Variants in PLPPR1 observed in about 807,000 individuals in gnomAD.
The protein encoded by PLPPR1 is phospholipid phosphatase-related protein type 1.
A neutral mutation model predicts 33.1 loss-of-function variants in PLPPR1; 10 were observed. That is an observed-to-expected ratio of 0.30 (90% CI 0.19 to 0.51). The LOEUF is 0.51. PLPPR1 is among the 20% of genes least tolerant of loss of function. The probability of loss-of-function intolerance (pLI) is 0.97; values close to 1 mark genes in which losing one functional copy is unlikely to be tolerated. For synonymous variants in PLPPR1, 151 were observed against 151.0 expected, an observed-to-expected ratio of 1.00 and a Z score of 0.00; for missense variants, 304 against 408.1, an observed-to-expected ratio of 0.74 and a Z score of 2.20.
intron 2 of PLPPR1, among the ~76,000 whole-genome samples, chr9:101,230,775 C>G (rs1827166026): frequency 1.3e-5 from 2 of 151,096 alleles, no homozygotes; most frequent in Admixed American, 1.3e-4. Context: ...AACACAAAGG[C>G]TAGTTTCAAA....
chr9:101,318,677 G>C (rs1447699308), intron 7 of PLPPR1, among the ~76,000 whole-genome samples: 1 of 152,168 alleles, frequency 6.6e-6, no homozygotes, highest in Non-Finnish European at 1.5e-5. Flanking sequence ...CAGAGGCTGA[G>C]GTGGGAGGAG....
chr9:101,100,697 C>CGTGTGTGTGTGTGT (rs56760066), intron 1 of PLPPR1, among the ~76,000 whole-genome samples: 39 of 146,940 alleles, frequency 2.7e-4, no homozygotes, highest in Admixed American at 2.0e-3. Context: ...CTCTTTGTTC[C>CGTGTGTGTGTGTGT]GTGTGTGTGT....
intron 1 of PLPPR1, among the ~76,000 whole-genome samples, chr9:101,072,392 C>G (rs1830492015): frequency 6.6e-6 from 1 of 152,092 alleles, no homozygotes; most frequent in Non-Finnish European, 1.5e-5. Flanking sequence ...CCAGAAAGAG[C>G]ATATAACACT....
intron 2 of PLPPR1, among the ~76,000 whole-genome samples, chr9:101,264,984 A>G (rs1422084192): frequency 1.3e-5 from 2 of 152,110 alleles, no homozygotes; most frequent in Non-Finnish European, 2.9e-5. Context: ...TCACACCATC[A>G]TTATCTGATT....
chr9:101,237,836 TG>T (rs1827341718), intron 2 of PLPPR1, among the ~76,000 whole-genome samples: 2 of 129,878 alleles, frequency 1.5e-5, no homozygotes, highest in African/African-American at 5.9e-5. Flanking sequence ...TATATATATA[TG>T]CTATATATGT....
rs554836088 is a variant in PLPPR1, at chr9:101,266,409, A to G, written c.64-3471A>G. Among the ~76,000 whole-genome samples, 8 of 140,170 alleles carry G rather than the reference A, an allele frequency of 5.7e-5. No homozygotes were observed. In the East Asian group the frequency reaches 1.6e-3, roughly 28 times the overall value. 92.0% of individuals were successfully genotyped at this position (140,170 alleles called of 152,430 possible). Reference sequence around the variant, plus strand: ...AGACCCTGTCTCCAAAAAAAAAAAGAAAGAAAGAAAGAAAGAAATAAAGAA... The same window carrying G: ...AGACCCTGTCTCCAAAAAAAAAAAGGAAGAAAGAAAGAAAGAAATAAAGAA... On this transcript the variant is annotated intron_variant, in intron 2 of 7. Transcript: ENST00000374874.
chr9:101,272,835 C>T (rs1304089736), intron 3 of PLPPR1, among the ~76,000 whole-genome samples: 1 of 152,000 alleles, frequency 6.6e-6, no homozygotes, highest in Non-Finnish European at 1.5e-5. Context: ...AAGCATAAAC[C>T]AATATTTTCT....
intron 1 of PLPPR1, among the ~76,000 whole-genome samples, chr9:101,130,440 A>C (rs936968833): frequency 5.3e-5 from 8 of 152,222 alleles, no homozygotes; most frequent in African/African-American, 1.7e-4. Context: ...GGAGCTAATT[A>C]TATGCCAACC....
At chr9:101,088,770 T>C (rs1830707825) in intron 1 of PLPPR1, among the ~76,000 whole-genome samples, 1 of 152,208 alleles carries the variant, frequency 6.6e-6, no homozygotes, top group Non-Finnish European at 1.5e-5. Flanking sequence ...TGGTTGGCAA[T>C]GATATTTCAG....
intron 1 of PLPPR1, among the ~76,000 whole-genome samples, chr9:101,118,234 A>T (rs1831138704): frequency 1.3e-5 from 2 of 152,184 alleles, no homozygotes; most frequent in Admixed American, 1.3e-4. Context: ...CACAGATGGG[A>T]CATAGGTGTT....
intron 6 of PLPPR1, among the ~76,000 whole-genome samples, chr9:101,315,035 A>C (rs866421411): frequency 6.6e-6 from 1 of 151,960 alleles, no homozygotes; most frequent in African/African-American, 2.4e-5. Context: ...ACAAGCATAC[A>C]ATGTATAATG....
At chr9:101,315,406 C>T (rs1482605668) in intron 6 of PLPPR1, among the ~76,000 whole-genome samples, 3 of 152,164 alleles carry the variant, frequency 2.0e-5, no homozygotes, top group Non-Finnish European at 4.4e-5. Context: ...AAGCCGCCAT[C>T]CCCAGTTAGA....
At chr9:101,061,466 A>G (rs2118467027) in intron 1 of PLPPR1, among the ~76,000 whole-genome samples, 1 of 152,160 alleles carries the variant, frequency 6.6e-6, no homozygotes, top group South Asian at 2.1e-4. Context: ...CTGACTAAAA[A>G]GCAGCTCAGT....
chr9:101,112,731 T>A (rs1831071910), intron 1 of PLPPR1, among the ~76,000 whole-genome samples: 1 of 152,194 alleles, frequency 6.6e-6, no homozygotes. Flanking sequence ...TCCAAATTGA[T>A]ATAGGAAGTG....
At chr9:101,172,826 C>T (rs1825963409) in intron 1 of PLPPR1, among the ~76,000 whole-genome samples, 1 of 152,110 alleles carries the variant, frequency 6.6e-6, no homozygotes, top group Admixed American at 6.6e-5. Flanking sequence ...ACTCTCCAGA[C>T]TATAAGCTAG....
chr9:101,146,704 T>A (rs576458295), intron 1 of PLPPR1, among the ~76,000 whole-genome samples: 194 of 152,236 alleles, frequency 1.3e-3, no homozygotes, highest in Non-Finnish European at 2.1e-3. Flanking sequence ...CTGCCTCTAA[T>A]CTCCCTCTCA....
At chr9:101,264,856 A>G (rs1827959196) in intron 2 of PLPPR1, among the ~76,000 whole-genome samples, 1 of 152,128 alleles carries the variant, frequency 6.6e-6, no homozygotes, top group Non-Finnish European at 1.5e-5. Context: ...AACAAACTGG[A>G]TTGTTGATCA....
At chr9:101,279,561 AG>A (rs1295174488) in intron 3 of PLPPR1, among the ~76,000 whole-genome samples, 1 of 152,232 alleles carries the variant, frequency 6.6e-6, no homozygotes, top group Non-Finnish European at 1.5e-5. Flanking sequence ...TCTCAAGGAC[AG>A]GTAATATCTT....
chr9:101,144,602 A>G (rs924008698), intron 1 of PLPPR1, among the ~76,000 whole-genome samples: 1 of 152,144 alleles, frequency 6.6e-6, no homozygotes, highest in African/African-American at 2.4e-5. Flanking sequence ...CTATTGACAC[A>G]TTAACCTTGG....
Sources: allele counts gnomAD v4.1 joint callset (sites outside exome capture counted in the v4.1 genomes callset), GRCh38; gene constraint gnomAD v4.1.1; transcripts MANE v1.5; gene names NCBI Gene and HGNC (gene_info 2026-07-23, HGNC 2026-07-21).